The following NPLOC4 variants were observed in gnomAD, a reference collection of about 807,000 sequenced individuals.
NPLOC4 encodes NPL4 homolog, ubiquitin recognition factor, also known as nuclear protein localization protein 4 homolog.
In NPLOC4, 18 loss-of-function variants were observed where a neutral mutation model predicts 80.6. That is an observed-to-expected ratio of 0.22 (90% CI 0.15 to 0.33). NPLOC4 has a LOEUF of 0.33. Ranked by LOEUF, NPLOC4 falls within the 10% of genes least tolerant of loss-of-function variation. NPLOC4 has a pLI of 1.00. For synonymous variants in NPLOC4, 313 were observed against 301.5 expected (o/e 1.04, Z -0.39); for missense variants, 540 against 786.1 (o/e 0.69, Z 3.74).
Position 81,580,101 on chromosome 17 carries a change from T to A in NPLOC4, c.1282-8013A>T, listed in dbSNP as rs1038953096. 2.6e-5 allele frequency among the ~76,000 whole-genome samples: 4 copies of A among 152,076 alleles called. No homozygotes were observed. Among genetic ancestry groups the A allele is most frequent in the Non-Finnish European group, 5.9e-5 (4 of 68,010 alleles). On this transcript the variant is annotated intron_variant, in intron 12 of 16. Transcript: ENST00000331134. This position sits in a 1 kb window ranked among gnomAD's most constrained non-coding sequence, Gnocchi z 4.4. Reference sequence around the variant, plus strand: ...CTCCTGCCTCCCAGTGCTCTCCACCTCATTCCCCCAAGGTGGGGTTCTCCT... The same window carrying A: ...CTCCTGCCTCCCAGTGCTCTCCACCACATTCCCCCAAGGTGGGGTTCTCCT...
intron 11 of NPLOC4, 120 bp from the exon 12 acceptor site, chr17:81,589,224 A>G (rs966511218): frequency 3.4e-6 from 3 of 880,066 alleles, no homozygotes; most frequent in Non-Finnish European, 3.4e-6. Context: ...TGTCGGGGGT[A>G]AGAGTTAAAA....
intron 2 of NPLOC4, among the ~76,000 whole-genome samples, chr17:81,622,509 CTT>C (rs1456045700): frequency 6.6e-6 from 1 of 152,184 alleles, no homozygotes; most frequent in Non-Finnish European, 1.5e-5. Flanking sequence ...AATGATGAAA[CTT>C]TGTAAAACAT....
At chr17:81,596,028 T>G in intron 11 of NPLOC4, 88 bp downstream of exon 11, 1 of 1,344,762 alleles carries the variant, frequency 7.4e-7, no homozygotes, top group Non-Finnish European at 1.0e-6. Context: ...CCAGTATAAC[T>G]AAGTTAAGGA....
chr17:81,630,653 G>A (rs912902753), intron 1 of NPLOC4, among the ~76,000 whole-genome samples: 5 of 152,160 alleles, frequency 3.3e-5, no homozygotes, highest in South Asian at 2.1e-4. Context: ...AGGCCAAGGC[G>A]GTGGATCACT....
intron 11 of NPLOC4, among the ~76,000 whole-genome samples, chr17:81,595,555 CTTTT>C (rs1368677462): frequency 4.0e-5 from 4 of 100,768 alleles, no homozygotes; most frequent in Non-Finnish European, 8.5e-5. Context: ...CTTTTCTTTT[CTTTT>C]TTTGAGACAG....
intron 2 of NPLOC4, among the ~76,000 whole-genome samples, chr17:81,626,208 C>T (rs895283623): frequency 1.3e-5 from 2 of 149,226 alleles, no homozygotes; most frequent in Middle Eastern, 3.2e-3. Flanking sequence ...CTCAGTTACT[C>T]GGGAGGCTGA....
intron 7 of NPLOC4, 139 bp from the exon 8 acceptor site, chr17:81,604,866 T>C (rs999014671): frequency 1.3e-6 from 1 of 762,244 alleles, no homozygotes; most frequent in Non-Finnish European, 2.1e-6. Context: ...GGTGCATGCC[T>C]GTGGTCCCAG....
Position 81,559,111 on chromosome 17 carries a change from C to T in NPLOC4, c.*148G>A. ...CAGGGAGGAACGTGCTGAGAAGCTT[C>T]AGTGGGTCAGGGAGCCCAGGACAGC... is the stretch of plus-strand genomic sequence containing the variant. On this transcript the variant is annotated 3_prime_UTR_variant, in exon 17 of 17. Transcript: ENST00000331134. 1.2e-6 allele frequency: 1 copy of T among 866,052 alleles called. No individual in the cohort carries two copies. Among genetic ancestry groups the T allele is most frequent in the Non-Finnish European group, 1.7e-6 (1 of 582,560 alleles). 53.6% of individuals were successfully genotyped at this position (866,052 alleles called of 1,614,324 possible). A position where few individuals can be genotyped will look rare whatever the true frequency, so the allele number is the denominator to read the frequency against.
chr17:81,631,463 C>CCCT (rs1465668129), intron 1 of NPLOC4, among the ~76,000 whole-genome samples: 3 of 57,682 alleles, frequency 5.2e-5, no homozygotes, highest in African/African-American at 2.6e-4. Flanking sequence ...TTTTTTTTTT[C>CCCT]CCCCACGGCA....
At chr17:81,602,564 G>A (rs1171682056) in intron 8 of NPLOC4, among the ~76,000 whole-genome samples, 4 of 152,102 alleles carry the variant, frequency 2.6e-5, no homozygotes, top group African/African-American at 4.8e-5. Context: ...TTAGCCAGGC[G>A]TGGTGGCGGC....
chr17:81,634,215 G>C (rs984074568), intron 1 of NPLOC4, among the ~76,000 whole-genome samples: 2 of 151,942 alleles, frequency 1.3e-5, no homozygotes, highest in Non-Finnish European at 2.9e-5. Flanking sequence ...TGTCGGCCAG[G>C]CTGGTCTCAA....
chr17:81,628,890 T>A (rs942197592), intron 2 of NPLOC4, among the ~76,000 whole-genome samples: 1 of 151,632 alleles, frequency 6.6e-6, no homozygotes, highest in Non-Finnish European at 1.5e-5. Context: ...CATACTTTTT[T>A]TTTTTTTTGA....
intron 3 of NPLOC4, among the ~76,000 whole-genome samples, chr17:81,615,816 G>A (rs1296495403): frequency 2.6e-5 from 4 of 152,156 alleles, no homozygotes; most frequent in Non-Finnish European, 5.9e-5. Flanking sequence ...AATCCCATCT[G>A]CCTCTATCCA....
At chr17:81,619,428 A>G (rs2144284929) in intron 3 of NPLOC4, among the ~76,000 whole-genome samples, 1 of 151,998 alleles carries the variant, frequency 6.6e-6, no homozygotes, top group South Asian at 2.1e-4. Context: ...ACATGCCTGT[A>G]ATCCCAGCTA....
At chr17:81,587,000 T>C (rs2034596366) in intron 12 of NPLOC4, among the ~76,000 whole-genome samples, 1 of 152,126 alleles carries the variant, frequency 6.6e-6, no homozygotes, top group Admixed American at 6.5e-5. Context: ...TGATACACAA[T>C]GAGCAGCACA....
intron 3 of NPLOC4, among the ~76,000 whole-genome samples, chr17:81,618,353 C>G (rs550563841): frequency 6.6e-6 from 1 of 151,312 alleles, no homozygotes; most frequent in Admixed American, 6.6e-5. Context: ...GCCGCGACCC[C>G]GTCTGGGAGG....
At chr17:81,593,842 TG>T (rs1170985266) in intron 11 of NPLOC4, among the ~76,000 whole-genome samples, 1 of 152,126 alleles carries the variant, frequency 6.6e-6, no homozygotes, top group East Asian at 1.9e-4. Flanking sequence ...CCAGCTACCC[TG>T]AGTCCCCCAC....
chr17:81,631,110 T>A (rs941867881), intron 1 of NPLOC4, among the ~76,000 whole-genome samples: 1 of 151,342 alleles, frequency 6.6e-6, no homozygotes, highest in Admixed American at 6.6e-5. Context: ...GAGGCAGAGG[T>A]TGCAGTGAGC....
At chr17:81,606,627 C>T (rs1402067971) in intron 7 of NPLOC4, 64 bp downstream of exon 7, 4 of 1,562,470 alleles carry the variant, frequency 2.6e-6, no homozygotes, top group African/African-American at 1.4e-5. Flanking sequence ...CTCCAAGGGG[C>T]TCTTCTGGAA....
Sources: allele counts gnomAD v4.1 joint callset (sites outside exome capture counted in the v4.1 genomes callset), GRCh38; gene constraint gnomAD v4.1.1; non-coding constraint Gnocchi (gnomAD v3.1); transcripts MANE v1.5; gene names NCBI Gene and HGNC (gene_info 2026-07-23, HGNC 2026-07-21).